The following RIMS1 variants were observed in gnomAD, a reference collection of about 807,000 sequenced individuals.
The protein encoded by RIMS1 is regulating synaptic membrane exocytosis protein 1.
A neutral mutation model predicts 214.1 loss-of-function variants in RIMS1; 83 were observed. The ratio of observed to expected loss-of-function variants is 0.39; its 90% CI spans 0.32 to 0.47. The LOEUF (loss-of-function observed/expected upper bound fraction) is 0.47, where lower values mean the gene tolerates loss of function less well. Among genes scored for constraint, RIMS1 ranks in the 20% least tolerant of loss-of-function variants. The probability of loss-of-function intolerance (pLI) is 0.99; values close to 1 mark genes in which losing one functional copy is unlikely to be tolerated. For missense variants in RIMS1, 2,050 were observed against 2,161.8 expected, an observed-to-expected ratio of 0.95 and a Z score of 1.03; for synonymous variants, 793 against 786.8, an observed-to-expected ratio of 1.01 and a Z score of -0.13.
At chr6:71,991,499 G>A (rs1377254514) in intron 2 of RIMS1, among the ~76,000 whole-genome samples, 4 of 152,120 alleles carry the variant, frequency 2.6e-5, no homozygotes, top group African/African-American at 4.8e-5. Context: ...TATTCATTTA[G>A]TCATTGAACA....
At chr6:72,096,914 T>G (rs1376543742) in intron 2 of RIMS1, 35 bp from the exon 3 acceptor site, 2 of 1,541,246 alleles carry the variant, frequency 1.3e-6, no homozygotes, top group African/African-American at 2.7e-5. Flanking sequence ...CTTCCACTAT[T>G]TACTTAGTTT....
At chr6:72,236,157 G>A (rs539965472) in intron 8 of RIMS1, among the ~76,000 whole-genome samples, 35 of 152,184 alleles carry the variant, frequency 2.3e-4, no homozygotes, top group Admixed American at 1.6e-3. Context: ...ATGCCACTAA[G>A]AATTGTGGAT....
In RIMS1 at chr6:71,991,561, G is replaced by A. The variant is rs568400721; in HGVS notation, c.245+22498G>A. On this transcript the variant is annotated intron_variant, in intron 2 of 33. Coordinates refer to ENST00000521978, the MANE Select transcript of RIMS1 (RefSeq NM_014989.7). The stretch of plus-strand genomic sequence containing the variant: ...AGGTTAAATATTATGAAAGATATCA[G>A]ACCGGATTCCTGCTCTAAGGATATT... Among the ~76,000 whole-genome samples, 9 of 152,284 alleles carry A rather than the reference G, an allele frequency of 5.9e-5. No individual in the cohort carries two copies. The South Asian group carries it at 1.9e-3, about 32-fold the overall frequency.
chr6:72,214,800 C>G (rs2055065877), intron 6 of RIMS1, among the ~76,000 whole-genome samples: 1 of 151,840 alleles, frequency 6.6e-6, no homozygotes, highest in Non-Finnish European at 1.5e-5. Context: ...TGGCTCGTTG[C>G]AACCTCTGTC....
intron 6 of RIMS1, among the ~76,000 whole-genome samples, chr6:72,189,323 G>A (rs2049670473): frequency 6.6e-6 from 1 of 152,164 alleles, no homozygotes; most frequent in African/African-American, 2.4e-5. Flanking sequence ...AGGATGATGG[G>A]GAACATGGTA....
chr6:72,391,352 C>CTT lies in RIMS1; in HGVS notation c.4505+631_4505+632dup, dbSNP rs1344795955. Among the ~76,000 whole-genome samples the CTT allele has an allele frequency of 7.0e-3, 935 of 134,428 alleles. 13 individuals carry two copies. Among genetic ancestry groups the CTT allele is most frequent in the African/African-American group, 0.024 (880 of 37,032 alleles). 88.2% of individuals were successfully genotyped at this position (134,428 alleles called of 152,430 possible). Reference sequence around the variant, plus strand: ...AAATTTACTCTTTTCGATTCTTTTTCTTTTTTTTTTTTTTTTACCATTTCA... The same window carrying CTT: ...AAATTTACTCTTTTCGATTCTTTTTCTTTTTTTTTTTTTTTTTTACCATTTCA... On this transcript the variant is annotated intron_variant, in intron 30 of 33. Transcript: ENST00000521978.
chr6:72,291,908 A>T, intron 25 of RIMS1, 26 bp from the exon 26 acceptor site: 1 of 1,501,468 alleles, frequency 6.7e-7, no homozygotes, highest in South Asian at 1.2e-5. Context: ...TCATTGTTTC[A>T]TGCCCGCTTT....
chr6:71,960,545 C>T (rs1204011344), intron 1 of RIMS1, among the ~76,000 whole-genome samples: 1 of 152,096 alleles, frequency 6.6e-6, no homozygotes, highest in Non-Finnish European at 1.5e-5. Flanking sequence ...CACAGAAGCA[C>T]CTTCTGTCAT....
chr6:72,399,454 A>G (rs1315244518), intron 33 of RIMS1, among the ~76,000 whole-genome samples: 2 of 152,110 alleles, frequency 1.3e-5, no homozygotes, highest in African/African-American at 4.8e-5. Flanking sequence ...ATAGATAGAT[A>G]CAGATATAGC....
At position 72,348,700 on chromosome 6, in the gene RIMS1, T is replaced by C. The variant is rs144496262; in HGVS notation, c.4366+14865T>C. Among the ~76,000 whole-genome samples the C allele has an allele frequency of 2.6e-3, 389 of 152,006 alleles. 3 individuals carry two copies. Among genetic ancestry groups the C allele is most frequent in the African/African-American group, 9.0e-3 (375 of 41,504 alleles). On this transcript the variant is annotated intron_variant, in intron 29 of 33. Transcript: ENST00000521978. Reference sequence around the variant, plus strand: ...CCCAAATAGTAAACACTGTACCCGATAGGTACTTTTTTTCAGCACTCACTC... The same window carrying C: ...CCCAAATAGTAAACACTGTACCCGACAGGTACTTTTTTTCAGCACTCACTC...
intron 6 of RIMS1, among the ~76,000 whole-genome samples, chr6:72,197,243 A>T (rs116633280): frequency 0.018 from 2,692 of 152,200 alleles, 81 homozygotes; most frequent in African/African-American, 0.06. Context: ...ATCTAAAATG[A>T]TCTACGTGGA....
chr6:72,375,143 C>G (rs1286089385), intron 29 of RIMS1, among the ~76,000 whole-genome samples: 1 of 152,168 alleles, frequency 6.6e-6, no homozygotes, highest in Non-Finnish European at 1.5e-5. Flanking sequence ...GTCCATGACC[C>G]TGAGGTTGGG....
chr6:72,116,300 G>GT (rs543845577), intron 4 of RIMS1, among the ~76,000 whole-genome samples: 81 of 152,078 alleles, frequency 5.3e-4, no homozygotes, highest in African/African-American at 1.9e-3. Flanking sequence ...ATCAAGATGT[G>GT]TAAGTACAGA....
At chr6:72,257,241 T>G (rs190316170) in intron 16 of RIMS1, among the ~76,000 whole-genome samples, 1 of 151,860 alleles carries the variant, frequency 6.6e-6, no homozygotes, top group Non-Finnish European at 1.5e-5. Context: ...ATTTTCCTTA[T>G]GATAATAAAA....
chr6:72,094,656 C>A (rs1378877306), intron 2 of RIMS1, among the ~76,000 whole-genome samples: 1 of 152,124 alleles, frequency 6.6e-6, no homozygotes, highest in Non-Finnish European at 1.5e-5. Flanking sequence ...CCTACTACAG[C>A]AGAAATGAGC....
At chr6:71,993,659 TACAG>T (rs1269632052) in intron 2 of RIMS1, among the ~76,000 whole-genome samples, 1 of 152,212 alleles carries the variant, frequency 6.6e-6, no homozygotes, top group African/African-American at 2.4e-5. Context: ...ACTCACAGCA[TACAG>T]ACAGTGACAG....
Position 71,890,585 on chromosome 6 carries a change from A to AC in RIMS1, c.164+3398_164+3399insC, listed in dbSNP as rs1174386190. ...CTCCTTTTTGTAAAAAAAAAAAAAA[A>AC]AAAAAAAAAAAACTTCATAGAGAAA... On this transcript the variant is annotated intron_variant, in intron 1 of 33. Coordinates refer to ENST00000521978, the MANE Select transcript of RIMS1 (RefSeq NM_014989.7). 8.9e-4 allele frequency among the ~76,000 whole-genome samples: 129 copies of AC among 145,130 alleles called. 1 individual carries two copies. Among genetic ancestry groups the AC allele is most frequent in the Non-Finnish European group, 1.5e-3 (102 of 66,658 alleles).
intron 2 of RIMS1, 25 bp downstream of exon 2, chr6:71,969,088 A>C (rs748189020): frequency 1.2e-6 from 2 of 1,604,734 alleles, no homozygotes; most frequent in Admixed American, 1.7e-5. Context: ...GGTTTTATTG[A>C]CTGAAAATGT....
chr6:72,183,569 G>GTTTT (rs3046908), intron 6 of RIMS1, among the ~76,000 whole-genome samples: 2 of 142,962 alleles, frequency 1.4e-5, no homozygotes, highest in African/African-American at 2.6e-5. Flanking sequence ...TGCAAAGGTA[G>GTTTT]TTTTTTTTTT....
Sources: gnomAD v4.1 joint callset for allele counts (sites outside exome capture counted in the v4.1 genomes callset) on GRCh38, gnomAD v4.1.1 for gene constraint, MANE v1.5 for transcripts, NCBI Gene and HGNC (gene_info 2026-07-23, HGNC 2026-07-21) for gene names.